LEPR: variants seen among roughly 807,000 people sequenced by gnomAD.
The protein encoded by LEPR is leptin receptor.
LEPR carries 56 observed loss-of-function variants against 114.7 expected under a neutral mutation model. The ratio of observed to expected loss-of-function variants is 0.49; its 90% CI spans 0.39 to 0.61. The LOEUF (loss-of-function observed/expected upper bound fraction) is 0.61, where lower values mean the gene tolerates loss of function less well. Among genes scored for constraint, LEPR ranks in the 20% least tolerant of loss-of-function variants. LEPR has a pLI of 0.00. For missense variants in LEPR, 1,202 were observed against 1,352.9 expected, an observed-to-expected ratio of 0.89 and a Z score of 1.75; for synonymous variants, 443 against 461.4, an observed-to-expected ratio of 0.96 and a Z score of 0.51.
Position 65,592,822 on chromosome 1 carries a change from A to G in LEPR, c.660A>G (p.Val220=). ...LMCLKITSGG[V]IFQSPLMSVQ... ...GTTTGAAAATCACATCTGGTGGAGT[A>G]ATTTTCCAGTCACCTCTAATGTCAG... The change falls in exon 6 of 20, where the codon GTA becomes GTG. Residue 220 remains valine (V), a synonymous_variant. Coordinates refer to ENST00000349533, the MANE Select transcript of LEPR (RefSeq NM_002303.6). The G allele has an allele frequency of 6.2e-7, 1 of 1,613,282 alleles. No individual in the cohort carries two copies. Among genetic ancestry groups the G allele is most frequent in the East Asian group, 2.2e-5 (1 of 44,856 alleles).
intron 2 of LEPR, among the ~76,000 whole-genome samples, chr1:65,513,481 GA>G (rs34105194): frequency 3.3e-5 from 5 of 151,864 alleles, no homozygotes; most frequent in Admixed American, 3.3e-4. Flanking sequence ...CTGGGCTCTG[GA>G]AAAAAAATAA....
At chr1:65,518,899 T>TTCTTTCTTTCTTTCTTTC (rs1461682780) in intron 2 of LEPR, among the ~76,000 whole-genome samples, 5 of 98,986 alleles carry the variant, frequency 5.1e-5, no homozygotes, top group African/African-American at 1.1e-4. Context: ...CTTTCTTTCT[T>TTCTTTCTTTCTTTCTTTC]TCTTTCTTTC....
intron 2 of LEPR, among the ~76,000 whole-genome samples, chr1:65,482,917 G>A (rs1309614986): frequency 2.0e-5 from 3 of 151,804 alleles, no homozygotes; most frequent in African/African-American, 7.3e-5. Context: ...GAACCTGGGA[G>A]GTGGAGGTTG....
At chr1:65,553,204 T>C in intron 2 of LEPR, among the ~76,000 whole-genome samples, 1 of 152,194 alleles carries the variant, frequency 6.6e-6, no homozygotes, top group East Asian at 1.9e-4. Context: ...TTCAGGTTGC[T>C]CTTCTCGAGG....
chr1:65,557,403 T>A (rs1001931283), intron 2 of LEPR, among the ~76,000 whole-genome samples: 2 of 152,168 alleles, frequency 1.3e-5, no homozygotes, highest in African/African-American at 4.8e-5. Flanking sequence ...TTTCACCAAT[T>A]TAAAAAATTT....
chr1:65,616,368 G>GA, intron 15 of LEPR, 144 bp downstream of exon 15: 1 of 881,216 alleles, frequency 1.1e-6, no homozygotes, highest in Non-Finnish European at 1.7e-6. Flanking sequence ...CCTTTGTCTG[G>GA]AAAAATAACA....
At chr1:65,610,356 C>A in intron 14 of LEPR, 60 bp downstream of exon 14, 1 of 1,346,510 alleles carries the variant, frequency 7.4e-7, no homozygotes, top group Non-Finnish European at 1.0e-6. Context: ...AAATTTACTT[C>A]ATGGTCCATA....
chr1:65,544,145 G>C (rs1468576855), intron 2 of LEPR, among the ~76,000 whole-genome samples: 1 of 151,948 alleles, frequency 6.6e-6, no homozygotes, highest in African/African-American at 2.4e-5. Context: ...ATTTCCTTGA[G>C]AAGTGGTTTG....
At chr1:65,599,607 GT>G (rs914558751) in intron 8 of LEPR, among the ~76,000 whole-genome samples, 2 of 152,106 alleles carry the variant, frequency 1.3e-5, no homozygotes, top group African/African-American at 4.8e-5. Context: ...TCCAACAGAA[GT>G]TTATAGGAGT....
intron 11 of LEPR, among the ~76,000 whole-genome samples, chr1:65,607,606 A>G (rs1233435592): frequency 6.6e-6 from 1 of 152,258 alleles, no homozygotes; most frequent in Non-Finnish European, 1.5e-5. Flanking sequence ...TAATCAAGAC[A>G]TGACTATGTA....
At chr1:65,625,533 T>C (rs1188711485) in intron 19 of LEPR, among the ~76,000 whole-genome samples, 3 of 152,178 alleles carry the variant, frequency 2.0e-5, no homozygotes, top group East Asian at 1.9e-4. Context: ...GAAATTTTGT[T>C]ACATGTATAT....
rs1656437946 is a variant in LEPR at position 65,601,498 on chromosome 1, T to G, written c.1101T>G (p.Val367=). ...ENKIVPSKEI[V]WWMNLAEKIP... is the part of the protein sequence containing the mutation. ...AGATTGTTCCCTCAAAAGAGATTGTTTGGTGGATGAATTTAGCTGAGAAAA... is the reference window on the plus strand; with the variant it reads ...AGATTGTTCCCTCAAAAGAGATTGTGTGGTGGATGAATTTAGCTGAGAAAA... Residue 367 remains valine (V), a synonymous_variant, in exon 9 of 20, where the codon GTT becomes GTG. Transcript: ENST00000349533. The G allele has an allele frequency of 1.9e-6, 3 of 1,613,796 alleles. No homozygotes were observed. The East Asian group carries it at 6.7e-5, about 36-fold the overall frequency.
At chr1:65,549,613 G>A (rs1325037812) in intron 2 of LEPR, among the ~76,000 whole-genome samples, 3 of 152,112 alleles carry the variant, frequency 2.0e-5, no homozygotes, top group Non-Finnish European at 4.4e-5. Context: ...ATTGGCTCCT[G>A]AGGCTTCTGC....
intron 1 of LEPR, 126 bp from the exon 2 acceptor site, chr1:65,425,177 A>G: frequency 1.4e-6 from 1 of 732,872 alleles, no homozygotes; most frequent in Middle Eastern, 2.3e-4. Context: ...ATCTAATTCC[A>G]GAAAATTTAC....
intron 2 of LEPR, chr1:65,435,850 T>A: frequency 2.0e-6 from 2 of 983,490 alleles, no homozygotes; most frequent in Non-Finnish European, 2.4e-6. Context: ...TTTTGTCTCA[T>A]GAAGTACCTT....
chr1:65,453,813 C>G (rs1475216556), intron 2 of LEPR, among the ~76,000 whole-genome samples: 3 of 151,944 alleles, frequency 2.0e-5, no homozygotes, highest in Non-Finnish European at 4.4e-5. Flanking sequence ...TGGTGCAGAG[C>G]TGAGTTCAAT....
Position 65,420,747 on chromosome 1 carries a change from C to T in LEPR, c.-97+7C>T. 6.3e-7 allele frequency: 1 copy of T among 1,580,442 alleles called. No homozygotes were observed. The highest frequency in any genetic ancestry group is 1.2e-5 in the South Asian group (1 of 86,292). On this transcript the variant is annotated splice_region_variant and intron_variant, in intron 1 of 19. Transcript: ENST00000349533. ...GACATGGCGGGCGTTAAAGGTACAT[C>T]GCGGTCCCCGGCTCGCTTGTCGTGT... is the stretch of plus-strand genomic sequence containing the variant.
intron 2 of LEPR, among the ~76,000 whole-genome samples, chr1:65,499,902 T>C (rs1648354842): frequency 6.6e-6 from 1 of 152,122 alleles, no homozygotes; most frequent in South Asian, 2.1e-4. Context: ...AGGACATCCA[T>C]GTTCTGACCC....
chr1:65,628,914 A>G (rs939232208), intron 19 of LEPR, among the ~76,000 whole-genome samples: 1 of 151,992 alleles, frequency 6.6e-6, no homozygotes, highest in Non-Finnish European at 1.5e-5. Flanking sequence ...CCCCTTTTCC[A>G]CCCCTCCGTA....
Sources: gnomAD v4.1 joint callset for allele counts (sites outside exome capture counted in the v4.1 genomes callset) on GRCh38, gnomAD v4.1.1 for gene constraint, MANE v1.5 for transcripts, NCBI Gene and HGNC (gene_info 2026-07-23, HGNC 2026-07-21) for gene names.